The following PTPRC variants were observed in gnomAD, a reference collection of about 807,000 sequenced individuals.
PTPRC encodes protein tyrosine phosphatase receptor type C, also known as receptor-type tyrosine-protein phosphatase C.
In PTPRC, 44 loss-of-function variants were observed where a neutral mutation model predicts 155.9. That is an observed-to-expected ratio of 0.28 (90% CI 0.22 to 0.36). PTPRC has a LOEUF of 0.36. Among genes scored for constraint, PTPRC ranks in the 10% least tolerant of loss-of-function variants. The pLI is 1.00. For synonymous variants in PTPRC, 525 were observed against 533.1 expected, an observed-to-expected ratio of 0.98 and a Z score of 0.21; for missense variants, 1,401 against 1,564.6, an observed-to-expected ratio of 0.90 and a Z score of 1.76.
chr1:198,686,994 TTTGTTGTTGTTG>T (rs71800427), intron 2 of PTPRC, among the ~76,000 whole-genome samples: 2 of 149,944 alleles, frequency 1.3e-5, no homozygotes, highest in African/African-American at 2.4e-5. Context: ...CAACCAATCT[TTTGTTGTTGTTG>T]TTGTTGTTGT....
chr1:198,733,594 C>G (rs1043221854), intron 20 of PTPRC, among the ~76,000 whole-genome samples: 1 of 151,658 alleles, frequency 6.6e-6, no homozygotes, highest in Non-Finnish European at 1.5e-5. Context: ...CTGGAAGAAG[C>G]CAGTATAATA....
chr1:198,696,605 A>G (rs1245402818), intron 3 of PTPRC, 107 bp from the exon 4 acceptor site: 1 of 905,272 alleles, frequency 1.1e-6, no homozygotes, highest in Non-Finnish European at 1.9e-6. Context: ...ATATATGTAC[A>G]TACACACTAT....
chr1:198,645,064 A>G (rs1662866110), intron 2 of PTPRC, among the ~76,000 whole-genome samples: 1 of 151,836 alleles, frequency 6.6e-6, no homozygotes, highest in African/African-American at 2.4e-5. Context: ...CCACCCTCCA[A>G]AATAGGGATT....
intron 23 of PTPRC, among the ~76,000 whole-genome samples, chr1:198,740,165 G>C (rs1028355109): frequency 1.3e-5 from 2 of 151,346 alleles, no homozygotes; most frequent in African/African-American, 4.9e-5. Flanking sequence ...AACTAGAAAA[G>C]CAAGAGCAAA....
chr1:198,732,605 C>T, intron 20 of PTPRC, 49 bp downstream of exon 20: 1 of 1,384,908 alleles, frequency 7.2e-7, no homozygotes, highest in Non-Finnish European at 1.0e-6. Flanking sequence ...TCATTCAGCT[C>T]CTTGTTTGTC....
chr1:198,708,299 G>A, intron 10 of PTPRC, 38 bp downstream of exon 10: 1 of 1,569,780 alleles, frequency 6.4e-7, no homozygotes, highest in Non-Finnish European at 8.7e-7. Flanking sequence ...TTTTTTTTGT[G>A]GCACAATGTT....
intron 11 of PTPRC, among the ~76,000 whole-genome samples, chr1:198,711,783 C>A (rs1653322984): frequency 6.6e-6 from 1 of 152,114 alleles, no homozygotes; most frequent in Admixed American, 6.5e-5. Flanking sequence ...AGGACTAAAA[C>A]AGCTCAATTG....
intron 2 of PTPRC, among the ~76,000 whole-genome samples, chr1:198,665,941 G>T (rs904255769): frequency 6.6e-6 from 1 of 151,886 alleles, no homozygotes. Context: ...ACCAGCAAAG[G>T]GCAGGTCATC....
intron 2 of PTPRC, among the ~76,000 whole-genome samples, chr1:198,640,716 G>T (rs181602488): frequency 6.6e-6 from 1 of 151,852 alleles, no homozygotes; most frequent in African/African-American, 2.4e-5. Context: ...AGGAAATGTC[G>T]AAAAGCATTT....
intron 2 of PTPRC, among the ~76,000 whole-genome samples, chr1:198,689,271 A>C (rs374589128): frequency 6.6e-6 from 1 of 152,168 alleles, no homozygotes; most frequent in South Asian, 2.1e-4. Flanking sequence ...TGAATAGTGT[A>C]CTGGTTGGAA....
chr1:198,723,975 A>T (rs987498407), intron 15 of PTPRC, among the ~76,000 whole-genome samples: 2 of 152,224 alleles, frequency 1.3e-5, no homozygotes, highest in South Asian at 4.1e-4. Flanking sequence ...AGGGAAACCC[A>T]AAGCTGGTAC....
chr1:198,677,844 C>T (rs886299343), intron 2 of PTPRC, among the ~76,000 whole-genome samples: 1 of 152,032 alleles, frequency 6.6e-6, no homozygotes, highest in African/African-American at 2.4e-5. Context: ...TCGGAAATAT[C>T]ATTTAACCTG....
intron 2 of PTPRC, among the ~76,000 whole-genome samples, chr1:198,663,180 A>G (rs1664082451): frequency 6.6e-6 from 1 of 152,178 alleles, no homozygotes; most frequent in African/African-American, 2.4e-5. Flanking sequence ...ACTTCTGTGT[A>G]ATTTTGAATT....
At chr1:198,665,422 A>C (rs933415294) in intron 2 of PTPRC, among the ~76,000 whole-genome samples, 1 of 152,070 alleles carries the variant, frequency 6.6e-6, no homozygotes, top group African/African-American at 2.4e-5. Flanking sequence ...CAAAGTCAAG[A>C]AGTCATTATT....
intron 12 of PTPRC, 58 bp from the exon 13 acceptor site, chr1:198,716,624 G>C (rs776602666): frequency 1.4e-6 from 2 of 1,453,692 alleles, no homozygotes; most frequent in South Asian, 2.3e-5. Flanking sequence ...AATTAATTAG[G>C]TACGTGGTAG....
chr1:198,734,302 T>C (rs2102490559), intron 21 of PTPRC, 26 bp from the exon 22 acceptor site: 5 of 1,610,192 alleles, frequency 3.1e-6, no homozygotes, highest in African/African-American at 2.7e-5. Flanking sequence ...ATTTTTCTTA[T>C]CAGCTTTTAT....
At chr1:198,673,320 A>C (rs960963495) in intron 2 of PTPRC, among the ~76,000 whole-genome samples, 1 of 152,180 alleles carries the variant, frequency 6.6e-6, no homozygotes, top group South Asian at 2.1e-4. Context: ...GTGTGGATTC[A>C]AATTTTTCTC....
intron 2 of PTPRC, among the ~76,000 whole-genome samples, chr1:198,692,060 C>T (rs1665954778): frequency 1.3e-5 from 2 of 151,994 alleles, no homozygotes; most frequent in South Asian, 4.1e-4. Context: ...TTTCAAAAGT[C>T]TTTTGCAGGC....
intron 2 of PTPRC, among the ~76,000 whole-genome samples, chr1:198,653,473 T>C (rs927596004): frequency 6.6e-6 from 1 of 151,910 alleles, no homozygotes; most frequent in Non-Finnish European, 1.5e-5. Flanking sequence ...ATTCACAAAT[T>C]ATTTTACAAA....
Sources: gnomAD v4.1 joint callset for allele counts (sites outside exome capture counted in the v4.1 genomes callset) on GRCh38, gnomAD v4.1.1 for gene constraint, MANE v1.5 for transcripts, NCBI Gene and HGNC (gene_info 2026-07-23, HGNC 2026-07-21) for gene names.